The following COL6A1 variants were observed in gnomAD, a reference collection of about 807,000 sequenced individuals.
COL6A1 encodes the protein collagen alpha-1(VI) chain.
In COL6A1, 80 loss-of-function variants were observed where a neutral mutation model predicts 145.6. The ratio of observed to expected loss-of-function variants is 0.55; its 90% CI spans 0.46 to 0.66. COL6A1 has a LOEUF of 0.66. Among genes scored for constraint, COL6A1 ranks in the 30% least tolerant of loss-of-function variants. The probability of loss-of-function intolerance (pLI) is 0.00; values close to 1 mark genes in which losing one functional copy is unlikely to be tolerated. For synonymous variants in COL6A1, 638 were observed against 622.8 expected, an observed-to-expected ratio of 1.02 and a Z score of -0.36; for missense variants, 1,364 against 1,473.8, an observed-to-expected ratio of 0.93 and a Z score of 1.22.
Position 45,992,298 on chromosome 21 carries a change from G to A in COL6A1, c.1237-65G>A, listed in dbSNP as rs572884418. The A allele has an allele frequency of 8.2e-5, 132 of 1,613,452 alleles. No individual in the cohort carries two copies. The East Asian group carries it at 2.4e-3, about 29-fold the overall frequency. On this transcript the variant is annotated intron_variant, in intron 17 of 34. Coordinates refer to ENST00000361866, the MANE Select transcript of COL6A1 (RefSeq NM_001848.3). The stretch of plus-strand genomic sequence containing the variant: ...CCTCTTTGCTCGGGGTCTACTCCAC[G>A]TCCCTGAGACCAAATGCAGTGTGTC...
rs886042409 is a variant in COL6A1 at position 45,986,653 on chromosome 21, G to C, written c.556G>C (p.Val186Leu). ...VNEAKHLGVK[V>L]FSVAITPDHL... ...CGAGGCCAAGCACCTGGGCGTCAAA[G>C]TCTTCTCGGTGGCCATCACACCCGA... is the stretch of plus-strand genomic sequence containing the variant. Residue 186 changes from valine to leucine, a missense_variant, in exon 4 of 35, where the codon GTC (valine) becomes CTC (leucine). Coordinates refer to ENST00000361866, the MANE Select transcript of COL6A1 (RefSeq NM_001848.3). 28 of 1,550,662 alleles carry C rather than the reference G, an allele frequency of 1.8e-5. No homozygotes were observed. Among genetic ancestry groups the C allele is most frequent in the Non-Finnish European group, 2.4e-5 (27 of 1,147,574 alleles).
chr21:45,997,442 C>T lies in COL6A1; in HGVS notation c.1420C>T (p.Pro474Ser), dbSNP rs1416935686. 3.1e-6 allele frequency: 5 copies of T among 1,612,964 alleles called. No homozygotes were observed. The South Asian group carries it at 5.5e-5, about 18-fold the overall frequency. The change falls in exon 21 of 35, where the codon CCT becomes TCT. Residue 474 changes from proline (P) to serine (S), a missense_variant. This residue lies in a region of COL6A1 where 938 missense variants were observed against 1,003.8 expected (regional missense o/e 0.93). Transcript: ENST00000361866. ...GDPGEAGPIG[P>S]KGYRGDEGPP... The stretch of plus-strand genomic sequence containing the variant: ...ACAGGGCGAGGCTGGCCCTATCGGA[C>T]CTAAAGGCTACCGAGGCGATGAGGG...
Position 45,987,488 on chromosome 21 carries a change from TC to T in COL6A1, c.739-5del, listed in dbSNP as rs747366844. 5 of 1,612,910 alleles carry T rather than the reference TC, an allele frequency of 3.1e-6. No individual in the cohort carries two copies. In the Admixed American group the frequency reaches 5.0e-5, roughly 16 times the overall value. The stretch of plus-strand genomic sequence containing the variant: ...TTCCCACTGACTCGTCTCCATGCTT[TC>T]CCCCCACAGTGCTGCTCCTTCGAAT... On this transcript the variant is annotated splice_polypyrimidine_tract_variant and intron_variant, in intron 6 of 34. Coordinates refer to ENST00000361866, the MANE Select transcript of COL6A1 (RefSeq NM_001848.3).
In COL6A1 at chr21:46,003,794, G is replaced by A; in HGVS notation, c.2868G>A (p.Glu956=). The change falls in exon 35 of 35, where the codon GAG becomes GAA. Residue 956 remains glutamate (E), a synonymous_variant. Transcript: ENST00000361866. ...AGGGCGCCACGCCCGCTGCCATCGAGAAGGCCGTGCAGGAAGCCCAGCGGG... is the reference window on the plus strand; with the variant it reads ...AGGGCGCCACGCCCGCTGCCATCGAAAAGGCCGTGCAGGAAGCCCAGCGGG... The part of the protein sequence containing the change: ...NSQGATPAAI[E]KAVQEAQRAG... 6.2e-7 allele frequency: 1 copy of A among 1,611,074 alleles called. No homozygotes were observed. Among genetic ancestry groups the A allele is most frequent in the Non-Finnish European group, 8.5e-7 (1 of 1,178,388 alleles).
chr21:46,003,327 G>A, intron 34 of COL6A1, 64 bp from the exon 35 acceptor site: 1 of 1,600,964 alleles, frequency 6.2e-7, no homozygotes, highest in Non-Finnish European at 8.5e-7. Flanking sequence ...GACGCTCTCT[G>A]GCCGGCCCAC....
Position 46,003,811 on chromosome 21 carries a change from C to T in COL6A1, c.2885C>T (p.Ala962Val). The change falls in exon 35 of 35, where the codon GCC becomes GTC. Residue 962 changes from alanine to valine, a missense_variant. Transcript: ENST00000361866. ...GCCATCGAGAAGGCCGTGCAGGAAG[C>T]CCAGCGGGCAGGCATCGAGATCTTC... ...PAAIEKAVQE[A>V]QRAGIEIFVV... 6.2e-7 allele frequency: 1 copy of T among 1,607,132 alleles called. No individual in the cohort carries two copies. Among genetic ancestry groups the T allele is most frequent in the Non-Finnish European group, 8.5e-7 (1 of 1,175,200 alleles).
intron 3 of COL6A1, among the ~76,000 whole-genome samples, chr21:45,984,759 CAGACAGAGACAAACAGAGACAG>C (rs1275023416): frequency 1.3e-5 from 2 of 149,430 alleles, no homozygotes; most frequent in African/African-American, 5.0e-5. Flanking sequence ...CCAAGACAGG[CAGACAGAGACAAACAGAGACAG>C]AGACAGAGAC....
At chr21:46,000,932 C>A (rs1000328339) in intron 29 of COL6A1, 165 bp downstream of exon 29, 25 of 929,738 alleles carry the variant, frequency 2.7e-5, no homozygotes, top group Non-Finnish European at 4.0e-5. Context: ...AGCAGGGTTC[C>A]CGGGTGTTGG....
chr21:45,981,787 T>C lies in COL6A1; in HGVS notation c.-64T>C, dbSNP rs554387250. ...CTGGGAGCAGAAGGCAGCCTCGGTC[T>C]CTGGGCGGCGGCGGCGGCCCACTCT... On this transcript the variant is annotated 5_prime_UTR_variant, in exon 1 of 35. Coordinates refer to ENST00000361866, the MANE Select transcript of COL6A1 (RefSeq NM_001848.3). The C allele has an allele frequency of 1.1e-5, 14 of 1,299,084 alleles. No individual in the cohort carries two copies. In the African/African-American group the frequency reaches 1.7e-4, roughly 16 times the overall value. 80.5% of individuals were successfully genotyped at this position (1,299,084 alleles called of 1,614,324 possible).
Position 45,987,021 on chromosome 21 carries a change from C to T in COL6A1, c.666C>T (p.Arg222=), listed in dbSNP as rs372581026. The change falls in exon 5 of 35, where the codon CGC becomes CGT. Residue 222 remains arginine (R), a synonymous_variant. Coordinates refer to ENST00000361866, the MANE Select transcript of COL6A1 (RefSeq NM_001848.3). ...NFTAADWGQS[R]DAEEAISQTI... Reference sequence around the variant, plus strand: ...CGGCGGCTGACTGGGGCCAGAGCCGCGACGCAGAGGAGGCCATCAGCCAGA... The same window carrying T: ...CGGCGGCTGACTGGGGCCAGAGCCGTGACGCAGAGGAGGCCATCAGCCAGA... 3.9e-4 allele frequency: 601 copies of T among 1,551,422 alleles called. No individual in the cohort carries two copies. Among genetic ancestry groups the T allele is most frequent in the Non-Finnish European group, 4.9e-4 (560 of 1,147,864 alleles).
intron 27 of COL6A1, among the ~76,000 whole-genome samples, chr21:46,000,115 G>A (rs2077834798): frequency 6.7e-6 from 1 of 149,570 alleles, no homozygotes; most frequent in African/African-American, 2.5e-5. Context: ...ACGGCCACGG[G>A]GAGACCCATG....
At chr21:46,000,027 C>CCGTGAGGATCATGGGGGGA (rs2077833807) in intron 27 of COL6A1, among the ~76,000 whole-genome samples, 10 of 816 alleles carry the variant, frequency 0.012, no homozygotes, top group Admixed American at 0.028. Flanking sequence ...CATGGGGGAC[C>CCGTGAGGATCATGGGGGGA]CGTGTGAGGA....
Position 45,998,116 on chromosome 21 carries a change from C to T in COL6A1, c.1525-5C>T. 1 of 1,612,028 alleles carries T rather than the reference C, an allele frequency of 6.2e-7. No homozygotes were observed. On this transcript the variant is annotated splice_polypyrimidine_tract_variant and splice_region_variant and intron_variant, in intron 22 of 34. Coordinates refer to ENST00000361866, the MANE Select transcript of COL6A1 (RefSeq NM_001848.3). Reference sequence around the variant, plus strand: ...CGCACGGTGACGGCTACTCTGCTCCCCCAGGGAGAAGACGGCCCCGCTGGA... The same window carrying T: ...CGCACGGTGACGGCTACTCTGCTCCTCCAGGGAGAAGACGGCCCCGCTGGA...
Position 45,987,191 on chromosome 21 carries a change from A to G in COL6A1, c.738+16A>G. 1 of 1,567,558 alleles carries G rather than the reference A, an allele frequency of 6.4e-7. No individual in the cohort carries two copies. Among genetic ancestry groups the G allele is most frequent in the Non-Finnish European group, 8.6e-7 (1 of 1,168,160 alleles). On this transcript the variant is annotated intron_variant, in intron 6 of 34. Transcript: ENST00000361866. The stretch of plus-strand genomic sequence containing the variant: ...GGAGCAAGTGGTAAGAGCCCTCCCC[A>G]CCACCCCCAGCCGTGAGTCTGCACA...
At chr21:45,997,847 C>A in intron 22 of COL6A1, 85 bp downstream of exon 22, 1 of 1,420,968 alleles carries the variant, frequency 7.0e-7, no homozygotes, top group African/African-American at 1.4e-5. Flanking sequence ...TGTGGAGCTG[C>A]CTGGGGTCCC....
At chr21:45,984,089 A>G (rs1024057617) in intron 2 of COL6A1, among the ~76,000 whole-genome samples, 180 bp from the exon 3 acceptor site, 1 of 152,162 alleles carries the variant, frequency 6.6e-6, no homozygotes, top group African/African-American at 2.4e-5. Context: ...CTTGCTGGCC[A>G]CACCCGCCTG....
intron 22 of COL6A1, 84 bp downstream of exon 22, chr21:45,997,846 GCCT>G: frequency 6.9e-7 from 1 of 1,447,718 alleles, no homozygotes; most frequent in Non-Finnish European, 9.4e-7. Flanking sequence ...CTGTGGAGCT[GCCT>G]GGGGTCCCTG....
At chr21:46,003,248 A>G in intron 34 of COL6A1, 99 bp downstream of exon 34, 1 of 1,607,286 alleles carries the variant, frequency 6.2e-7, no homozygotes, top group Non-Finnish European at 8.5e-7. Flanking sequence ...CCTGGCGGTC[A>G]CGAGAGTAGG....
In COL6A1 at chr21:45,992,685, C is replaced by G. The variant is rs1024389107; in HGVS notation, c.1273-63C>G. 5.4e-5 allele frequency: 81 copies of G among 1,504,018 alleles called. No individual in the cohort carries two copies. The Middle Eastern group carries it at 7.2e-4, about 13-fold the overall frequency. The allele number at this position is 1,504,018 out of a possible 1,614,324, so 93.2% of individuals were successfully genotyped here. A position where few individuals can be genotyped will look rare whatever the true frequency, so the allele number is the denominator to read the frequency against. ...GTCAGTCCAGGCCAGGCCTCAAGCC[C>G]CACCCCAGCTGGGTGTGAGTTCCAG... On this transcript the variant is annotated intron_variant, in intron 18 of 34. Coordinates refer to ENST00000361866, the MANE Select transcript of COL6A1 (RefSeq NM_001848.3).
Sources: allele counts gnomAD v4.1 joint callset (sites outside exome capture counted in the v4.1 genomes callset), GRCh38; gene constraint gnomAD v4.1.1; regional missense constraint gnomAD v4.1.1; transcripts MANE v1.5; gene names NCBI Gene and HGNC (gene_info 2026-07-23, HGNC 2026-07-21).